ZNF831: variants seen among roughly 807,000 people sequenced by gnomAD.
The protein encoded by ZNF831 is zinc finger protein 831, also known as chromosome 20 open reading frame 174.
A neutral mutation model predicts 95.8 loss-of-function variants in ZNF831; 59 were observed. That is an observed-to-expected ratio of 0.62 (90% CI 0.50 to 0.77). The LOEUF (loss-of-function observed/expected upper bound fraction) is 0.77. Among genes scored for constraint, ZNF831 ranks in the 30% least tolerant of loss-of-function variants. The pLI, the probability that ZNF831 is intolerant of heterozygous loss-of-function variation, is 0.00. For synonymous variants in ZNF831, 961 were observed against 925.5 expected, an observed-to-expected ratio of 1.04 and a Z score of -0.70; for missense variants, 2,205 against 2,164.0, an observed-to-expected ratio of 1.02 and a Z score of -0.38.
intron 1 of ZNF831, among the ~76,000 whole-genome samples, chr20:59,186,245 C>G (rs1286494568): frequency 1.3e-5 from 2 of 152,122 alleles, no homozygotes; most frequent in Admixed American, 6.5e-5. Context: ...GATCACCTCC[C>G]AAATAAAATA....
chr20:59,143,484 C>G (rs888749229), intron 1 of ZNF831, among the ~76,000 whole-genome samples: 6 of 152,210 alleles, frequency 3.9e-5, no homozygotes, highest in South Asian at 2.1e-4. Context: ...ACACAAGCCT[C>G]TCTCCCTTCC....
intron 3 of ZNF831, among the ~76,000 whole-genome samples, chr20:59,205,471 G>A (rs1311256209): frequency 6.6e-6 from 1 of 152,228 alleles, no homozygotes; most frequent in Admixed American, 6.5e-5. Context: ...ATGCCCAGTT[G>A]AGGGGAGCTT....
At chr20:59,253,859 T>TCCCCC (rs5842258) in intron 5 of ZNF831, 39 bp from the exon 6 acceptor site, 4 of 919,024 alleles carry the variant, frequency 4.4e-6, no homozygotes, top group South Asian at 2.4e-5. Flanking sequence ...CCAATTAACC[T>TCCCCC]CCCCCCCCAC....
At chr20:59,177,965 A>G (rs1246242162) in intron 1 of ZNF831, among the ~76,000 whole-genome samples, 6 of 152,202 alleles carry the variant, frequency 3.9e-5, no homozygotes, top group Admixed American at 3.9e-4. Context: ...TGCTCACAGT[A>G]CTTCTCAGTA....
chr20:59,222,717 G>A (rs934170169), intron 4 of ZNF831, among the ~76,000 whole-genome samples: 2 of 152,206 alleles, frequency 1.3e-5, no homozygotes, highest in Non-Finnish European at 2.9e-5. Context: ...GCCGAAGCCC[G>A]GCTCCCTCCT....
At position 59,153,402 on chromosome 20, in the gene ZNF831, C is replaced by T. The variant is rs141301859; in HGVS notation, c.-1280-6250C>T. Among the ~76,000 whole-genome samples, 22 of 152,340 alleles carry T rather than the reference C, an allele frequency of 1.4e-4. No individual in the cohort carries two copies. In the East Asian group the frequency reaches 1.9e-3, roughly 13 times the overall value. ...GTTTGTCCCTCCTCCCTGGGCTGGG[C>T]GCATCTTCCTGGGACAGCCTCCCCC... On this transcript the variant is annotated intron_variant, in intron 2 of 7. Transcript: ENST00000637017.
intron 4 of ZNF831, among the ~76,000 whole-genome samples, chr20:59,227,185 A>G (rs181722721): frequency 3.2e-4 from 48 of 152,318 alleles, no homozygotes; most frequent in African/African-American, 1.1e-3. Context: ...GACCCAGACC[A>G]GCACTGAATG....
At chr20:59,243,106 G>A (rs967550614) in intron 4 of ZNF831, among the ~76,000 whole-genome samples, 3 of 152,208 alleles carry the variant, frequency 2.0e-5, no homozygotes, top group East Asian at 1.9e-4. Context: ...CAGGGGATGA[G>A]GGAGACCTCT....
chr20:59,187,367 G>T (rs1286449276), intron 1 of ZNF831, among the ~76,000 whole-genome samples: 1 of 152,148 alleles, frequency 6.6e-6, no homozygotes, highest in Admixed American at 6.5e-5. Flanking sequence ...AGCTCCACTG[G>T]TCTTTCCGTG....
rs1345957776 is a variant in ZNF831, at chr20:59,195,876, A to T, written c.3746A>T (p.Tyr1249Phe). The change falls in exon 3 of 6, where the codon TAC becomes TTC. Residue 1249 changes from tyrosine (Y) to phenylalanine (F), a missense_variant. Tyr to Phe is a conservative substitution (Grantham distance 22). Transcript: ENST00000371030. ...GGPAQMSKFS[Y>F]PTVPGVMPQH... is the part of the protein sequence containing the mutation. ...CATGCTTGGTGTTTTCAGTTCTCCT[A>T]CCCAACAGTCCCAGGGGTGATGCCC... 8 of 1,612,788 alleles carry T rather than the reference A, an allele frequency of 5.0e-6. No homozygotes were observed. Among genetic ancestry groups the T allele is most frequent in the Non-Finnish European group, 2.5e-6 (3 of 1,179,666 alleles).
intron 1 of ZNF831, among the ~76,000 whole-genome samples, chr20:59,188,587 G>A (rs1983253422): frequency 6.6e-6 from 1 of 152,030 alleles, no homozygotes; most frequent in Admixed American, 6.6e-5. Context: ...AACACGGGAG[G>A]CGGAGGTTGC....
At position 59,148,436 on chromosome 20, in the gene ZNF831, C is replaced by CT. The variant is rs1362602348; in HGVS notation, c.-1281+2065dup. ...GTGGCTCACGCCTGTAATCCCAGCA[C>CT]TTTGGGAGGCCGAGACGGGCAGATC... On this transcript the variant is annotated intron_variant, in intron 2 of 7. Transcript: ENST00000637017. Among the ~76,000 whole-genome samples, 7 of 117,036 alleles carry CT rather than the reference C, an allele frequency of 6.0e-5. 1 individual carries two copies. Among genetic ancestry groups the CT allele is most frequent in the Non-Finnish European group, 1.3e-4 (7 of 52,902 alleles). 76.8% of individuals were successfully genotyped at this position (117,036 alleles called of 152,430 possible). A position where few individuals can be genotyped will look rare whatever the true frequency, so the allele number is the denominator to read the frequency against.
chr20:59,174,318 C>A (rs1338194080), intron 1 of ZNF831, among the ~76,000 whole-genome samples: 1 of 152,052 alleles, frequency 6.6e-6, no homozygotes, highest in African/African-American at 2.4e-5. Flanking sequence ...TTGCAGCCTG[C>A]GGTTCAGGCT....
Position 59,253,077 on chromosome 20 carries a change from G to T in ZNF831, c.4127G>T (p.Gly1376Val), listed in dbSNP as rs1485585775. Residue 1376 changes from glycine to valine, a missense_variant, in exon 5 of 6, where the codon GGA becomes GTA. Coordinates refer to ENST00000371030, the MANE Select transcript of ZNF831 (RefSeq NM_178457.3). ...KKEGDCRQTLGTLSLGTSSRI... is the reference protein window; with the variant it reads ...KKEGDCRQTLVTLSLGTSSRI... Reference sequence around the variant, plus strand: ...GAAGGTGACTGCAGACAAACCTTAGGAACCCTCTCTCTTGGTACAAGTTCA... The same window carrying T: ...GAAGGTGACTGCAGACAAACCTTAGTAACCCTCTCTCTTGGTACAAGTTCA... The T allele has an allele frequency of 1.2e-6, 2 of 1,614,008 alleles. No individual in the cohort carries two copies. Among genetic ancestry groups the T allele is most frequent in the East Asian group, 4.5e-5 (2 of 44,886 alleles).
chr20:59,151,976 A>C (rs987726446), intron 2 of ZNF831, among the ~76,000 whole-genome samples: 1 of 152,180 alleles, frequency 6.6e-6, no homozygotes, highest in African/African-American at 2.4e-5. Flanking sequence ...TGTCTTTGCC[A>C]GTCTCTGGCT....
intron 4 of ZNF831, among the ~76,000 whole-genome samples, chr20:59,231,016 G>C (rs1986692191): frequency 6.6e-6 from 1 of 152,068 alleles, no homozygotes; most frequent in Non-Finnish European, 1.5e-5. Context: ...TTATTTTTTT[G>C]TGGTCAAGGA....
chr20:59,138,402 C>A (rs1248618022), intron 1 of ZNF831, among the ~76,000 whole-genome samples: 1 of 149,634 alleles, frequency 6.7e-6, no homozygotes, highest in Non-Finnish European at 1.5e-5. Context: ...TGCTGTCTTC[C>A]CCTGCCACTA....
chr20:59,237,463 C>T (rs1270087126), intron 4 of ZNF831, among the ~76,000 whole-genome samples: 1 of 152,184 alleles, frequency 6.6e-6, no homozygotes, highest in Non-Finnish European at 1.5e-5. Context: ...TCTCCTGCCT[C>T]AGCCTCCCAA....
intron 4 of ZNF831, among the ~76,000 whole-genome samples, chr20:59,240,597 G>C (rs796506653): frequency 6.6e-6 from 1 of 151,478 alleles, no homozygotes; most frequent in African/African-American, 2.4e-5. Context: ...GTCAGGAGAT[G>C]GAGACCATCC....
Sources: allele counts gnomAD v4.1 joint callset (sites outside exome capture counted in the v4.1 genomes callset), GRCh38; gene constraint gnomAD v4.1.1; transcripts MANE v1.5; gene names NCBI Gene and HGNC (gene_info 2026-07-23, HGNC 2026-07-21).